The following PIK3R2 variants were observed in gnomAD, a reference collection of about 807,000 sequenced individuals.
PIK3R2 encodes the protein phosphoinositide-3-kinase regulatory subunit 2.
In PIK3R2, 40 loss-of-function variants were observed where a neutral mutation model predicts 78.5. The ratio of observed to expected loss-of-function variants is 0.51; its 90% CI spans 0.40 to 0.66. PIK3R2 has a LOEUF of 0.66. PIK3R2 is among the 30% of genes least tolerant of loss of function. PIK3R2 has a pLI of 0.00. For missense variants in PIK3R2, 880 were observed against 1,026.6 expected (o/e 0.86, Z 1.95); for synonymous variants, 473 against 457.7 (o/e 1.03, Z -0.43).
chr19:18,154,805 G>T (rs113062304), intron 1 of PIK3R2, among the ~76,000 whole-genome samples: 1 of 137,438 alleles, frequency 7.3e-6, no homozygotes, highest in African/African-American at 2.6e-5. Context: ...GGCCGGGCGC[G>T]GTGGCTCACA....
rs777558542 is a variant in PIK3R2 at position 18,169,280 on chromosome 19, C to T, written c.2173C>T (p.Pro725Ser). 1.7e-5 allele frequency: 26 copies of T among 1,505,680 alleles called. No homozygotes were observed. The African/African-American group carries it at 3.7e-4, about 21-fold the overall frequency. The allele number at this position is 1,505,680 out of a possible 1,614,324, so 93.3% of individuals were successfully genotyped here. A position where few individuals can be genotyped will look rare whatever the true frequency, so the allele number is the denominator to read the frequency against. The change falls in exon 16 of 16, where the codon CCT (proline) becomes TCT (serine). Residue 725 changes from proline (P) to serine (S), a missense_variant. Pro to Ser is a moderately conservative substitution (Grantham distance 74). Coordinates refer to ENST00000222254, the MANE Select transcript of PIK3R2 (RefSeq NM_005027.4). The stretch of plus-strand genomic sequence containing the variant: ...GCGCGCCCCGGGCCCCGGCCCGCCG[C>T]CTGCCGCCCGCTGAGCACCGAGGAC... ...PVRAPGPGPP[P>S]AAR
chr19:18,168,714 C>A lies in PIK3R2; in HGVS notation c.1809-12C>A. 1 of 1,608,252 alleles carries A rather than the reference C, an allele frequency of 6.2e-7. No homozygotes were observed. Among genetic ancestry groups the A allele is most frequent in the Non-Finnish European group, 8.5e-7 (1 of 1,175,514 alleles). On this transcript the variant is annotated splice_polypyrimidine_tract_variant and intron_variant, in intron 14 of 15. Coordinates refer to ENST00000222254, the MANE Select transcript of PIK3R2 (RefSeq NM_005027.4). This position sits in a 1 kb window ranked among gnomAD's most constrained non-coding sequence, Gnocchi z 4.1. ...TGACCAGGGCCCTCCCCGCCACCGC[C>A]CCCCACCCCAGCCAGTACGCACTCA... is the stretch of plus-strand genomic sequence containing the variant.
chr19:18,162,238 C>A lies in PIK3R2; in HGVS notation c.938C>A (p.Ser313Tyr). Residue 313 changes from serine to tyrosine, a missense_variant, in exon 8 of 16, where the codon TCC (serine) becomes TAC (tyrosine). Coordinates refer to ENST00000222254, the MANE Select transcript of PIK3R2 (RefSeq NM_005027.4). ...PPKPPKAKPA[S>Y]TVLANGGSPP... is the part of the protein sequence containing the mutation. The stretch of plus-strand genomic sequence containing the variant: ...AAACCCCCCAAGGCAAAGCCGGCCT[C>A]CACAGTCCTGGCCAATGGAGGGAGC... The A allele has an allele frequency of 6.2e-7, 1 of 1,607,796 alleles. No individual in the cohort carries two copies.
At position 18,161,626 on chromosome 19, in the gene PIK3R2, C is replaced by T; in HGVS notation, c.815+131C>T. On this transcript the variant is annotated intron_variant, in intron 6 of 15. Transcript: ENST00000222254. The surrounding 1 kb of genome is among the most constrained non-coding windows in gnomAD (Gnocchi z 5.3). ...GGGGTCCAGAGTGAGAAGCTGCGTT[C>T]TTGTGATGACGGAGCGGAGACCTGG... is the stretch of plus-strand genomic sequence containing the variant. 1 of 490,870 alleles carries T rather than the reference C, an allele frequency of 2.0e-6. No homozygotes were observed. Among genetic ancestry groups the T allele is most frequent in the African/African-American group, 2.0e-5 (1 of 50,760 alleles). 30.4% of individuals were successfully genotyped at this position (490,870 alleles called of 1,614,324 possible).
rs1023365516 is a variant in PIK3R2 at position 18,153,311 on chromosome 19, C to A, written c.-424+17C>A. The A allele has an allele frequency of 6.5e-5, 10 of 153,694 alleles. No homozygotes were observed. Among genetic ancestry groups the A allele is most frequent in the Admixed American group, 5.9e-4 (9 of 15,288 alleles). 9.5% of individuals were successfully genotyped at this position (153,694 alleles called of 1,614,324 possible). On this transcript the variant is annotated intron_variant, in intron 1 of 15. Coordinates refer to ENST00000222254, the MANE Select transcript of PIK3R2 (RefSeq NM_005027.4). ...CGCGACCAGGTGAGTCCTGACTGGC[C>A]CTCGTGGCGGGGGCGGCTGGGAGTG...
At chr19:18,165,582 C>G (rs1052954495) in intron 11 of PIK3R2, among the ~76,000 whole-genome samples, 1 of 152,120 alleles carries the variant, frequency 6.6e-6, no homozygotes, top group African/African-American at 2.4e-5. Context: ...CCAGGCTGGC[C>G]TCAGACTCCT....
rs1227421809 is a variant in PIK3R2, at chr19:18,168,846, C to T, written c.1929C>T (p.Thr643=). ...EEMLSGKRDG[T]FLIRESSQRG... Reference sequence around the variant, plus strand: ...TGCTGAGTGGCAAGCGGGATGGCACCTTCCTCATCCGCGAGAGCAGCCAGC... The same window carrying T: ...TGCTGAGTGGCAAGCGGGATGGCACTTTCCTCATCCGCGAGAGCAGCCAGC... The change falls in exon 15 of 16, where the codon ACC becomes ACT. Residue 643 remains threonine (T), a synonymous_variant. Transcript: ENST00000222254. This position sits in a 1 kb window ranked among gnomAD's most constrained non-coding sequence, Gnocchi z 4.1. The T allele has an allele frequency of 6.2e-7, 1 of 1,613,746 alleles. No individual in the cohort carries two copies. Among genetic ancestry groups the T allele is most frequent in the Admixed American group, 1.7e-5 (1 of 59,996 alleles).
At position 18,161,323 on chromosome 19, in the gene PIK3R2, C is replaced by A; in HGVS notation, c.643C>A (p.Pro215Thr). The change falls in exon 6 of 16, where the codon CCG (proline) becomes ACG (threonine). Residue 215 changes from proline (P) to threonine (T), a missense_variant. By Grantham distance (38) the Pro-to-Thr change is conservative (BLOSUM62 -1). Transcript: ENST00000222254. This position sits in a 1 kb window ranked among gnomAD's most constrained non-coding sequence, Gnocchi z 5.3. ...VGPALEPPTL[P>T]LHRALTLRFL... ...GCCGGCGCTGGAGCCACCGACGCTG[C>A]CGCTGCACCGCGCGCTCACGCTGCG... The A allele has an allele frequency of 7.5e-7, 1 of 1,333,732 alleles. No individual in the cohort carries two copies. The highest frequency in any genetic ancestry group is 1.9e-5 in the South Asian group (1 of 52,122). The allele number at this position is 1,333,732 out of a possible 1,614,324, so 82.6% of individuals were successfully genotyped here.
chr19:18,162,541 C>T (rs1431548153), intron 9 of PIK3R2, 35 bp downstream of exon 9: 2 of 1,559,336 alleles, frequency 1.3e-6, no homozygotes, highest in Admixed American at 3.3e-5. Flanking sequence ...AACCGGGGGT[C>T]ACAGGTCACA....
chr19:18,153,548 C>G (rs1172569414), intron 1 of PIK3R2, among the ~76,000 whole-genome samples: 1 of 152,134 alleles, frequency 6.6e-6, no homozygotes, highest in Non-Finnish European at 1.5e-5. Context: ...GGAGCCGAGG[C>G]CCCAAATGAA....
At chr19:18,158,716 T>C (rs1324984809) in intron 2 of PIK3R2, among the ~76,000 whole-genome samples, 1 of 152,202 alleles carries the variant, frequency 6.6e-6, no homozygotes, top group Non-Finnish European at 1.5e-5. Flanking sequence ...TGGCCAAGAT[T>C]GCACAGCAGG....
chr19:18,165,993 G>A (rs1205219826), intron 11 of PIK3R2, 167 bp from the exon 12 acceptor site: 3 of 863,862 alleles, frequency 3.5e-6, no homozygotes, highest in African/African-American at 1.6e-5. Flanking sequence ...GTGGGGTTTT[G>A]AAGGCTGAAT....
chr19:18,165,391 G>A lies in PIK3R2; in HGVS notation c.1417-769G>A, dbSNP rs549279255. Among the ~76,000 whole-genome samples the A allele has an allele frequency of 2.8e-4, 39 of 140,402 alleles. 1 individual carries two copies. The East Asian group carries it at 5.6e-3, about 20-fold the overall frequency. 92.1% of individuals were successfully genotyped at this position (140,402 alleles called of 152,430 possible). Reference sequence around the variant, plus strand: ...AAAAAAAAAAAAAAAAAAATTAGCCGGGCATGGTGGCTCACACCTGTAATA... The same window carrying A: ...AAAAAAAAAAAAAAAAAAATTAGCCAGGCATGGTGGCTCACACCTGTAATA... On this transcript the variant is annotated intron_variant, in intron 11 of 15. Transcript: ENST00000222254.
rs1018819156 is a variant in PIK3R2 at position 18,153,262 on chromosome 19, G to C, written c.-456G>C. 4 of 155,070 alleles carry C rather than the reference G, an allele frequency of 2.6e-5. No homozygotes were observed. The highest frequency in any genetic ancestry group is 5.7e-5 in the Non-Finnish European group (4 of 69,832). The allele number at this position is 155,070 out of a possible 1,614,324, so 9.6% of individuals were successfully genotyped here. A position where few individuals can be genotyped will look rare whatever the true frequency, so the allele number is the denominator to read the frequency against. The stretch of plus-strand genomic sequence containing the variant: ...CGGGGCGGGCTTGGCTTGGTGTGAC[G>C]GCGGCTGCGGCGGCGGTGGCGGCCG... On this transcript the variant is annotated 5_prime_UTR_variant, in exon 1 of 16. Coordinates refer to ENST00000222254, the MANE Select transcript of PIK3R2 (RefSeq NM_005027.4).
In PIK3R2 at chr19:18,161,844, C is replaced by G; in HGVS notation, c.816-122C>G. The G allele has an allele frequency of 3.9e-6, 3 of 767,094 alleles. No homozygotes were observed. Among genetic ancestry groups the G allele is most frequent in the Non-Finnish European group, 6.6e-6 (3 of 452,784 alleles). The allele number at this position is 767,094 out of a possible 1,614,324, so 47.5% of individuals were successfully genotyped here. A position where few individuals can be genotyped will look rare whatever the true frequency, so the allele number is the denominator to read the frequency against. On this transcript the variant is annotated intron_variant, in intron 6 of 15. Transcript: ENST00000222254. The surrounding 1 kb of genome is among the most constrained non-coding windows in gnomAD (Gnocchi z 5.3). ...GCACATGTGCCTGTATCATCTCCTC[C>G]TCCGCCCTGCACATACTGTCTCGTA... is the stretch of plus-strand genomic sequence containing the variant.
At position 18,168,342 on chromosome 19, in the gene PIK3R2, C is replaced by A. The variant is rs2043828998; in HGVS notation, c.1737-133C>A. ...TGCCCTGAGCCAGGTCAGCTCTGCC[C>A]TCTTGTGGCAACCGGAGATATTGTA... On this transcript the variant is annotated intron_variant, in intron 13 of 15. Transcript: ENST00000222254. The surrounding 1 kb of genome is among the most constrained non-coding windows in gnomAD (Gnocchi z 4.1). 1.5e-6 allele frequency: 1 copy of A among 661,092 alleles called. No homozygotes were observed. The highest frequency in any genetic ancestry group is 2.8e-6 in the Non-Finnish European group (1 of 360,184). The allele number at this position is 661,092 out of a possible 1,614,324, so 41.0% of individuals were successfully genotyped here.
At chr19:18,159,029 A>G (rs1166982740) in intron 2 of PIK3R2, among the ~76,000 whole-genome samples, 4 of 150,978 alleles carry the variant, frequency 2.6e-5, no homozygotes, top group African/African-American at 9.7e-5. Context: ...TCTAGTAGAG[A>G]CAGGGTTTTA....
chr19:18,155,885 G>A lies in PIK3R2; in HGVS notation c.6G>A (p.Ala2=), dbSNP rs1168330275. 36 of 1,546,622 alleles carry A rather than the reference G, an allele frequency of 2.3e-5. No individual in the cohort carries two copies. Among genetic ancestry groups the A allele is most frequent in the Admixed American group, 1.2e-4 (6 of 50,476 alleles). M[A]GPEGFQYRAL... ...CCCACCCCACTCACGCGGCCATGGC[G>A]GGCCCTGAGGGCTTCCAGTACCGCG... The change falls in exon 2 of 16, where the codon GCG becomes GCA. Residue 2 remains alanine, a synonymous_variant. Coordinates refer to ENST00000222254, the MANE Select transcript of PIK3R2 (RefSeq NM_005027.4).
chr19:18,166,721 A>AG (rs1341942592), intron 12 of PIK3R2, among the ~76,000 whole-genome samples: 1 of 151,544 alleles, frequency 6.6e-6, no homozygotes, highest in African/African-American at 2.4e-5. Flanking sequence ...AAAAAAAAAA[A>AG]AAAAGAAATG....
Sources: gnomAD v4.1 joint callset for allele counts (sites outside exome capture counted in the v4.1 genomes callset) on GRCh38, gnomAD v4.1.1 for gene constraint, Gnocchi (gnomAD v3.1) non-coding constraint, MANE v1.5 for transcripts, NCBI Gene and HGNC (gene_info 2026-07-23, HGNC 2026-07-21) for gene names.